EFCAB5: variants seen among roughly 807,000 people sequenced by gnomAD.
EFCAB5 encodes the protein EF-hand calcium binding domain 5.
A neutral mutation model predicts 167.9 loss-of-function variants in EFCAB5; 131 were observed. That is an observed-to-expected ratio of 0.78 (90% CI 0.68 to 0.90). The LOEUF (loss-of-function observed/expected upper bound fraction) is 0.90. EFCAB5 is among the 40% of genes least tolerant of loss of function. EFCAB5 has a pLI of 0.00. For missense variants in EFCAB5, 1,663 were observed against 1,745.2 expected (o/e 0.95, Z 0.84); for synonymous variants, 574 against 602.8 (o/e 0.95, Z 0.70).
intron 3 of EFCAB5, among the ~76,000 whole-genome samples, chr17:29,945,509 C>T (rs762200330): frequency 1.3e-5 from 2 of 151,446 alleles, no homozygotes; most frequent in African/African-American, 2.4e-5. Context: ...GTCAGGAGTT[C>T]GAGACCAGCC....
Position 30,054,130 on chromosome 17 carries a change from A to G in EFCAB5, c.2176A>G (p.Arg726Gly). 2 of 1,552,634 alleles carry G rather than the reference A, an allele frequency of 1.3e-6. No individual in the cohort carries two copies. ...GCAAGAGGAAGTTCCAACCTTAAGC[A>G]GAAAAGATCACTTTCCAGGTAGTAA... is the stretch of plus-strand genomic sequence containing the variant. ...ELQEEVPTLS[R>G]KDHFPETTKK... The change falls in exon 10 of 23, where the codon AGA becomes GGA. Residue 726 changes from arginine (R) to glycine (G), a missense_variant. Transcript: ENST00000394835.
rs541769954 is a variant in EFCAB5, at chr17:30,039,886, A to G, written c.1200+5501A>G. On this transcript the variant is annotated intron_variant, in intron 8 of 22. Coordinates refer to ENST00000394835, the MANE Select transcript of EFCAB5 (RefSeq NM_198529.4). Reference sequence around the variant, plus strand: ...CTACAACTGCCCTTTTCCCAAATCTATGAAATCAAGCCACACCTCACCTCA... The same window carrying G: ...CTACAACTGCCCTTTTCCCAAATCTGTGAAATCAAGCCACACCTCACCTCA... 4.6e-5 allele frequency among the ~76,000 whole-genome samples: 7 copies of G among 152,318 alleles called. No individual in the cohort carries two copies. In the South Asian group the frequency reaches 8.3e-4, roughly 18 times the overall value.
At chr17:29,945,400 A>G (rs1448676501) in intron 3 of EFCAB5, among the ~76,000 whole-genome samples, 2 of 152,010 alleles carry the variant, frequency 1.3e-5, no homozygotes, top group Non-Finnish European at 2.9e-5. Flanking sequence ...AATACACATT[A>G]CAATACATAT....
At position 30,034,258 on chromosome 17, in the gene EFCAB5, AGAGT is replaced by A. The variant is rs758498999; in HGVS notation, c.1076_1079del (p.Ser359LysfsTer21). On this transcript the variant is annotated frameshift_variant, in exon 8 of 23. Coordinates refer to ENST00000394835, the MANE Select transcript of EFCAB5 (RefSeq NM_198529.4). LOFTEE classifies it high-confidence loss of function. ...ATCTCTTCACATATTAAAGACTTGAAGAGTGAAATGTTTGAGGAACTTCTTAAGC... is the reference window on the plus strand; with the variant it reads ...ATCTCTTCACATATTAAAGACTTGAAGAAATGTTTGAGGAACTTCTTAAGC... 1.3e-4 allele frequency: 217 copies of A among 1,613,858 alleles called. No individual in the cohort carries two copies. Among genetic ancestry groups the A allele is most frequent in the Non-Finnish European group, 1.8e-4 (207 of 1,179,878 alleles).
rs368941076 is a variant in EFCAB5 at position 30,092,125 on chromosome 17, A to G, written c.4192A>G (p.Ser1398Gly). Residue 1398 changes from serine to glycine, a missense_variant, in exon 21 of 23, where the codon AGT (serine) becomes GGT (glycine). By Grantham distance (56) the Ser-to-Gly change is moderately conservative. Coordinates refer to ENST00000394835, the MANE Select transcript of EFCAB5 (RefSeq NM_198529.4). ...CTTTCATCCAGAGTTGGAATTTTCA[A>G]GTGACTTTGGAAGTTGGGATAAGTG... ...LFFHPELEFSSDFGSWDKCKF... is the reference protein window; with the variant it reads ...LFFHPELEFSGDFGSWDKCKF... 28 of 1,613,660 alleles carry G rather than the reference A, an allele frequency of 1.7e-5. No individual in the cohort carries two copies. Among genetic ancestry groups the G allele is most frequent in the Admixed American group, 1.7e-4 (10 of 59,982 alleles).
chr17:30,050,390 C>T (rs2070056611), intron 8 of EFCAB5, among the ~76,000 whole-genome samples: 1 of 152,170 alleles, frequency 6.6e-6, no homozygotes, highest in African/African-American at 2.4e-5. Context: ...CCACCTCGGC[C>T]TCCCAAAGTG....
chr17:30,041,139 C>A (rs762949413), intron 8 of EFCAB5, among the ~76,000 whole-genome samples: 1 of 151,622 alleles, frequency 6.6e-6, no homozygotes, highest in Non-Finnish European at 1.5e-5. Flanking sequence ...GATTGAGCAC[C>A]CTTTCTGCAG....
chr17:29,930,639 C>A (rs937625842), intron 1 of EFCAB5, among the ~76,000 whole-genome samples: 1 of 152,084 alleles, frequency 6.6e-6, no homozygotes, highest in African/African-American at 2.4e-5. Context: ...TGGGCGCAGA[C>A]AGAACTGGGC....
chr17:30,057,034 A>G (rs923772979), intron 12 of EFCAB5, among the ~76,000 whole-genome samples: 2 of 152,204 alleles, frequency 1.3e-5, no homozygotes, highest in African/African-American at 4.8e-5. Context: ...CATTTTATGA[A>G]ATATACTTCA....
chr17:29,933,046 T>C (rs1447103521), intron 1 of EFCAB5, among the ~76,000 whole-genome samples: 3 of 152,240 alleles, frequency 2.0e-5, no homozygotes, highest in African/African-American at 4.8e-5. Context: ...TTATTGAATG[T>C]GTATCATATA....
Position 30,025,911 on chromosome 17 carries a change from T to C in EFCAB5, c.1045-8319T>C, listed in dbSNP as rs1290140316. Reference sequence around the variant, plus strand: ...GGAAATCATCATTCTCAGTAAACTATCGCAAGGACAAAAAACCAAACACCA... The same window carrying C: ...GGAAATCATCATTCTCAGTAAACTACCGCAAGGACAAAAAACCAAACACCA... On this transcript the variant is annotated intron_variant, in intron 7 of 22. Coordinates refer to ENST00000394835, the MANE Select transcript of EFCAB5 (RefSeq NM_198529.4). 2.0e-5 allele frequency among the ~76,000 whole-genome samples: 3 copies of C among 151,492 alleles called. No homozygotes were observed. The East Asian group carries it at 5.8e-4, about 29-fold the overall frequency.
chr17:30,107,678 A>G (rs536053354), intron 22 of EFCAB5, among the ~76,000 whole-genome samples, 156 bp from the exon 23 acceptor site: 1 of 152,314 alleles, frequency 6.6e-6, no homozygotes, highest in South Asian at 2.1e-4. Flanking sequence ...ACCAAAATTT[A>G]TCCATATTCC....
intron 3 of EFCAB5, among the ~76,000 whole-genome samples, chr17:29,960,288 T>A (rs2067695185): frequency 6.6e-6 from 1 of 152,142 alleles, no homozygotes; most frequent in Non-Finnish European, 1.5e-5. Context: ...TAAAACCAGG[T>A]ATTGTGATCA....
At chr17:29,971,724 G>A (rs2067958692) in intron 4 of EFCAB5, among the ~76,000 whole-genome samples, 1 of 151,986 alleles carries the variant, frequency 6.6e-6, no homozygotes, top group African/African-American at 2.4e-5. Context: ...ATCCTGCTTG[G>A]TTGCTATGTA....
At chr17:30,066,784 G>GA (rs1003579157) in intron 14 of EFCAB5, among the ~76,000 whole-genome samples, 2 of 149,576 alleles carry the variant, frequency 1.3e-5, no homozygotes, top group South Asian at 2.1e-4. Context: ...GACTAACCAA[G>GA]AAAAAAAAAG....
At chr17:30,084,989 C>T (rs762849960) in intron 18 of EFCAB5, among the ~76,000 whole-genome samples, 9 of 152,252 alleles carry the variant, frequency 5.9e-5, no homozygotes, top group East Asian at 1.9e-4. Flanking sequence ...CCCCCGTCCC[C>T]GCCCCCTCTC....
chr17:30,092,909 G>A lies in EFCAB5; in HGVS notation c.4294G>A (p.Val1432Ile). The A allele has an allele frequency of 6.2e-7, 1 of 1,610,852 alleles. No homozygotes were observed. Among genetic ancestry groups the A allele is most frequent in the Non-Finnish European group, 8.5e-7 (1 of 1,178,620 alleles). The change falls in exon 22 of 23, where the codon GTA (valine) becomes ATA (isoleucine). Residue 1432 changes from valine to isoleucine, a missense_variant. Physicochemically the swap from Val to Ile is conservative, Grantham distance 29 (BLOSUM62 3). Coordinates refer to ENST00000394835, the MANE Select transcript of EFCAB5 (RefSeq NM_198529.4). ...DPTAKHVEVN[V>I]QLIDEYIRDH... ...AACTGCCAAGCATGTGGAAGTTAAT[G>A]TACAGCTTATTGATGAATATATCAG...
At chr17:29,962,656 A>G (rs1274346409) in intron 3 of EFCAB5, among the ~76,000 whole-genome samples, 2 of 134,646 alleles carry the variant, frequency 1.5e-5, no homozygotes, top group African/African-American at 5.6e-5. Context: ...TTTTTTAGAC[A>G]GGGTCTCGGT....
At chr17:30,082,700 T>C (rs957162328) in intron 17 of EFCAB5, among the ~76,000 whole-genome samples, 191 bp from the exon 18 acceptor site, 1 of 152,150 alleles carries the variant, frequency 6.6e-6, no homozygotes, top group African/African-American at 2.4e-5. Context: ...CCTATAACTT[T>C]GATTTCTTGA....
Sources: allele counts gnomAD v4.1 joint callset (sites outside exome capture counted in the v4.1 genomes callset), GRCh38; gene constraint gnomAD v4.1.1; transcripts MANE v1.5; gene names NCBI Gene and HGNC (gene_info 2026-07-23, HGNC 2026-07-21).